Variants in PTK2 observed in about 807,000 individuals in gnomAD.
PTK2 encodes the protein protein tyrosine kinase 2, also known as focal adhesion kinase 1.
A neutral mutation model predicts 150.1 loss-of-function variants in PTK2; 45 were observed. That is an observed-to-expected ratio of 0.30 (90% CI 0.24 to 0.38). The LOEUF is 0.38. Ranked by LOEUF, PTK2 falls within the 10% of genes least tolerant of loss-of-function variation. PTK2 has a pLI of 1.00. For synonymous variants in PTK2, 432 were observed against 449.2 expected (o/e 0.96, Z 0.48); for missense variants, 919 against 1,307.3 (o/e 0.70, Z 4.58).
chr8:140,702,442 C>T, intron 25 of PTK2, 128 bp downstream of exon 28: 2 of 1,241,154 alleles, frequency 1.6e-6, no homozygotes, highest in Non-Finnish European at 2.2e-6. Context: ...TGGTTTCAAA[C>T]TCTGGGGCTC....
intron 5 of PTK2, among the ~76,000 whole-genome samples, chr8:140,848,486 TG>T (rs2154604486): frequency 6.6e-6 from 1 of 152,216 alleles, no homozygotes; most frequent in East Asian, 1.9e-4. Flanking sequence ...GTCATCAAAC[TG>T]GAGGGTGGGT....
intron 10 of PTK2, among the ~76,000 whole-genome samples, chr8:140,811,925 C>G (rs2100101811): frequency 6.6e-6 from 1 of 152,042 alleles, no homozygotes; most frequent in Non-Finnish European, 1.5e-5. Flanking sequence ...GTAAAGAGAC[C>G]AAATCTATGT....
intron 2 of PTK2, among the ~76,000 whole-genome samples, chr8:140,917,957 AT>A (rs1462573068): frequency 3.9e-5 from 6 of 152,226 alleles, no homozygotes; most frequent in African/African-American, 1.4e-4. Flanking sequence ...AGTACCATGC[AT>A]TCTACTCTTA....
intron 1 of PTK2, among the ~76,000 whole-genome samples, chr8:140,964,877 T>A (rs1395746234): frequency 6.6e-6 from 1 of 152,150 alleles, no homozygotes; most frequent in Non-Finnish European, 1.5e-5. Flanking sequence ...TTAATGAGTT[T>A]CAACTACATA....
At chr8:140,969,660 A>G (rs2100186555) in intron 1 of PTK2, among the ~76,000 whole-genome samples, 2 of 152,012 alleles carry the variant, frequency 1.3e-5, no homozygotes, top group South Asian at 4.1e-4. Flanking sequence ...CAAACTTGTC[A>G]ATTCTAGAGT....
rs150610211 is a variant in PTK2 at position 140,796,262 on chromosome 8, C to T, written c.1094-2878G>A. Among the ~76,000 whole-genome samples the T allele has an allele frequency of 2.0e-3, 307 of 152,300 alleles. 1 individual carries two copies. The highest frequency in any genetic ancestry group is 6.9e-3 in the African/African-American group (286 of 41,570). On this transcript the variant is annotated intron_variant, in intron 12 of 31. Transcript: ENST00000522684. Reference sequence around the variant, plus strand: ...TGCATATATACAACTCACTGCACATCATAGGAATTCAAGCCAAACTGCAAG... The same window carrying T: ...TGCATATATACAACTCACTGCACATTATAGGAATTCAAGCCAAACTGCAAG...
At chr8:140,681,487 G>T (rs1371818255) in intron 27 of PTK2, among the ~76,000 whole-genome samples, 2 of 149,918 alleles carry the variant, frequency 1.3e-5, no homozygotes, top group South Asian at 4.3e-4. Context: ...GTAACAAGCA[G>T]TTGGCCGGGC....
chr8:140,700,994 A>G (rs2100030036), exon 26 of PTK2: 5 of 1,614,046 alleles, frequency 3.1e-6, no homozygotes, highest in South Asian at 2.2e-5. Context: ...CACTTGCCCA[A>G]TCCCTCGCAG....
intron 20 of PTK2, among the ~76,000 whole-genome samples, chr8:140,742,089 T>C (rs538325107): frequency 6.6e-6 from 1 of 152,310 alleles, no homozygotes; most frequent in South Asian, 2.1e-4. Context: ...TGAGCCATGT[T>C]TGCGCCACTG....
intron 26 of PTK2, among the ~76,000 whole-genome samples, chr8:140,697,828 A>AT (rs2100027660): frequency 8.3e-6 from 1 of 120,354 alleles, no homozygotes; most frequent in Non-Finnish European, 1.7e-5. Flanking sequence ...TGGGTACTTG[A>AT]TCCTCCTCCC....
chr8:140,686,577 A>T, intron 27 of PTK2, 55 bp downstream of exon 30: 1 of 1,354,426 alleles, frequency 7.4e-7, no homozygotes, highest in Admixed American at 1.7e-5. Context: ...ATAAACACTG[A>T]TGGTCCACGC....
chr8:140,802,823 T>C (rs1445542045), intron 11 of PTK2, among the ~76,000 whole-genome samples: 1 of 152,132 alleles, frequency 6.6e-6, no homozygotes, highest in African/African-American at 2.4e-5. Flanking sequence ...ACAGGCTATA[T>C]TGTATAGCCT....
intron 1 of PTK2, among the ~76,000 whole-genome samples, chr8:140,936,148 A>C (rs1323724907): frequency 6.6e-6 from 1 of 152,130 alleles, no homozygotes; most frequent in East Asian, 1.9e-4. Flanking sequence ...GCTGGAGTAA[A>C]ACTCTGTCTC....
intron 2 of PTK2, among the ~76,000 whole-genome samples, chr8:140,908,469 G>C (rs895067670): frequency 6.6e-6 from 1 of 152,260 alleles, no homozygotes; most frequent in Non-Finnish European, 1.5e-5. Context: ...GAAGAAGAAA[G>C]AGTCTTTTAT....
intron 24 of PTK2, among the ~76,000 whole-genome samples, chr8:140,703,008 G>C (rs949780487): frequency 6.6e-6 from 1 of 152,176 alleles, no homozygotes; most frequent in African/African-American, 2.4e-5. Context: ...TAAGAGGAGG[G>C]AGGGACAATG....
intron 23 of PTK2, among the ~76,000 whole-genome samples, chr8:140,710,438 G>A (rs1190279188): frequency 6.6e-6 from 1 of 151,992 alleles, no homozygotes; most frequent in Non-Finnish European, 1.5e-5. Flanking sequence ...GGAGGCCGTG[G>A]TGGGCAGATC....
At chr8:140,771,123 C>T (rs2100075250) in intron 14 of PTK2, among the ~76,000 whole-genome samples, 1 of 152,112 alleles carries the variant, frequency 6.6e-6, no homozygotes, top group East Asian at 1.9e-4. Flanking sequence ...AAACAAAGAC[C>T]AATAAATAAT....
At chr8:140,944,229 A>C (rs189716591) in intron 1 of PTK2, among the ~76,000 whole-genome samples, 83 of 152,344 alleles carry the variant, frequency 5.4e-4, no homozygotes, top group Admixed American at 9.8e-4. Flanking sequence ...CTCTTCCCTC[A>C]GTATAAGCCA....
At chr8:140,728,926 T>C (rs962700612) in intron 22 of PTK2, among the ~76,000 whole-genome samples, 1 of 152,198 alleles carries the variant, frequency 6.6e-6, no homozygotes, top group Non-Finnish European at 1.5e-5. Flanking sequence ...AAACATTCTT[T>C]GAAAAATTGA....
Sources: allele counts gnomAD v4.1 joint callset (sites outside exome capture counted in the v4.1 genomes callset), GRCh38; gene constraint gnomAD v4.1.1; transcripts MANE v1.5; gene names NCBI Gene and HGNC (gene_info 2026-07-23, HGNC 2026-07-21).